CSMD3: variants seen among roughly 807,000 people sequenced by gnomAD.
CSMD3 encodes the protein CUB and Sushi multiple domains 3.
CSMD3 carries 177 observed loss-of-function variants against 435.2 expected under a neutral mutation model. That is an observed-to-expected ratio of 0.41 (90% CI 0.36 to 0.46). The LOEUF is 0.46. Ranked by LOEUF, CSMD3 falls within the 20% of genes least tolerant of loss-of-function variation. CSMD3 has a pLI of 0.34. For missense variants in CSMD3, 4,265 were observed against 4,504.6 expected, an observed-to-expected ratio of 0.95 and a Z score of 1.52; for synonymous variants, 1,656 against 1,520.5, an observed-to-expected ratio of 1.09 and a Z score of -2.07.
chr8:112,792,657 C>A (rs2078719952), intron 13 of CSMD3, among the ~76,000 whole-genome samples: 1 of 152,016 alleles, frequency 6.6e-6, no homozygotes, highest in Non-Finnish European at 1.5e-5. Context: ...TGTTTTATTC[C>A]AAAAGTTGTA....
At chr8:112,898,479 T>C (rs2082013336) in intron 10 of CSMD3, among the ~76,000 whole-genome samples, 1 of 151,290 alleles carries the variant, frequency 6.6e-6, no homozygotes, top group African/African-American at 2.4e-5. Flanking sequence ...TTTTGCTTTT[T>C]AGTAAATGGA....
chr8:112,956,763 A>T (rs1216498255), intron 7 of CSMD3, among the ~76,000 whole-genome samples: 4 of 152,092 alleles, frequency 2.6e-5, no homozygotes, highest in African/African-American at 7.2e-5. Context: ...AAGTATCTTG[A>T]TTTAATTATT....
In CSMD3 at chr8:113,239,093, G is replaced by A. The variant is rs543445396; in HGVS notation, c.514+39499C>T. Among the ~76,000 whole-genome samples, 5 of 152,124 alleles carry A rather than the reference G, an allele frequency of 3.3e-5. No individual in the cohort carries two copies. In the East Asian group the frequency reaches 9.7e-4, roughly 30 times the overall value. On this transcript the variant is annotated intron_variant, in intron 3 of 70. Transcript: ENST00000297405. ...AACAGGGTATTTTTCTTGCCTGTCC[G>A]CCTTGAGCTGGGACACTACGCTTTT...
chr8:113,117,394 G>A (rs1309752265), intron 4 of CSMD3, among the ~76,000 whole-genome samples: 1 of 152,188 alleles, frequency 6.6e-6, no homozygotes, highest in Non-Finnish European at 1.5e-5. Flanking sequence ...TTGAGGTTTG[G>A]GAACCTCAGC....
chr8:113,023,412 C>T (rs1174186674), intron 5 of CSMD3, among the ~76,000 whole-genome samples: 2 of 152,008 alleles, frequency 1.3e-5, no homozygotes, highest in African/African-American at 2.4e-5. Flanking sequence ...CTCTCTCTCC[C>T]TCTCTCAAGC....
At chr8:112,323,002 T>A (rs189552046) in intron 45 of CSMD3, among the ~76,000 whole-genome samples, 6 of 152,128 alleles carry the variant, frequency 3.9e-5, no homozygotes, top group African/African-American at 1.4e-4. Context: ...ACTCCCAACT[T>A]TAAAATTGCC....
At chr8:112,611,350 T>C (rs1238440644) in intron 22 of CSMD3, among the ~76,000 whole-genome samples, 3 of 152,164 alleles carry the variant, frequency 2.0e-5, no homozygotes, top group Non-Finnish European at 4.4e-5. Context: ...TTCTCTGAAG[T>C]GTACCAAATT....
At chr8:112,228,588 G>A (rs1812789209) in intron 70 of CSMD3, among the ~76,000 whole-genome samples, 168 bp downstream of exon 70, 1 of 152,130 alleles carries the variant, frequency 6.6e-6, no homozygotes, top group Non-Finnish European at 1.5e-5. Context: ...TAATGTTGCA[G>A]GGGTGGTTAG....
rs71281211 is a variant in CSMD3, at chr8:113,328,735, C to CTTTTTTTTTTTTTTTTTTTTTTTT, written c.179-13966_179-13943dup. Among the ~76,000 whole-genome samples the CTTTTTTTTTTTTTTTTTTTTTTTT allele has an allele frequency of 6.3e-4, 36 of 57,196 alleles. 3 individuals are homozygous for CTTTTTTTTTTTTTTTTTTTTTTTT. Among genetic ancestry groups the CTTTTTTTTTTTTTTTTTTTTTTTT allele is most frequent in the East Asian group, 2.8e-3 (3 of 1,058 alleles). 37.5% of individuals were successfully genotyped at this position (57,196 alleles called of 152,430 possible). A position where few individuals can be genotyped will look rare whatever the true frequency, so the allele number is the denominator to read the frequency against. On this transcript the variant is annotated intron_variant, in intron 1 of 70. Coordinates refer to ENST00000297405, the MANE Select transcript of CSMD3 (RefSeq NM_198123.2). ...CTTTCTTTCTTTCCTTCCTTCTTTT[C>CTTTTTTTTTTTTTTTTTTTTTTTT]TTTTTTTTTTTTTTTTTTTTTTTTG...
Position 113,066,820 on chromosome 8 carries a change from A to G in CSMD3, c.917+31936T>C, listed in dbSNP as rs142874948. Among the ~76,000 whole-genome samples the G allele has an allele frequency of 2.8e-3, 428 of 152,182 alleles. 2 individuals carry two copies. Among genetic ancestry groups the G allele is most frequent in the African/African-American group, 9.6e-3 (398 of 41,556 alleles). Reference sequence around the variant, plus strand: ...GAAAGTAGAGCTAGAAAAAAAACAGATATCATTGGTTAAAATTCTCATATA... The same window carrying G: ...GAAAGTAGAGCTAGAAAAAAAACAGGTATCATTGGTTAAAATTCTCATATA... On this transcript the variant is annotated intron_variant, in intron 5 of 70. Transcript: ENST00000297405.
intron 30 of CSMD3, among the ~76,000 whole-genome samples, chr8:112,496,755 C>G (rs62516487): frequency 0.32 from 48,653 of 151,558 alleles, 7,900 homozygotes; most frequent in East Asian, 0.49. Context: ...AGCAATTGAA[C>G]TCATGGAGTT....
intron 40 of CSMD3, among the ~76,000 whole-genome samples, chr8:112,350,528 T>C (rs1015815407): frequency 4.6e-5 from 7 of 152,100 alleles, no homozygotes; most frequent in Non-Finnish European, 7.4e-5. Flanking sequence ...CAAATAGTAA[T>C]TGAATGTTTT....
At chr8:112,859,014 T>A in intron 11 of CSMD3, 131 bp downstream of exon 11, 1 of 765,762 alleles carries the variant, frequency 1.3e-6, no homozygotes, top group Non-Finnish European at 2.2e-6. Context: ...TATAAACTGT[T>A]AAGTAGGGAA....
intron 5 of CSMD3, among the ~76,000 whole-genome samples, chr8:113,065,487 C>G (rs2088813118): frequency 6.6e-6 from 1 of 151,960 alleles, no homozygotes; most frequent in Non-Finnish European, 1.5e-5. Context: ...CCTGGGTTCA[C>G]GCCATTCTCC....
intron 5 of CSMD3, among the ~76,000 whole-genome samples, chr8:113,086,821 T>G (rs2089800690): frequency 6.6e-6 from 1 of 152,174 alleles, no homozygotes; most frequent in Non-Finnish European, 1.5e-5. Context: ...AAAATTGAGT[T>G]TTCAGTTTAA....
At chr8:113,326,036 A>C (rs1437930554) in intron 1 of CSMD3, among the ~76,000 whole-genome samples, 2 of 152,184 alleles carry the variant, frequency 1.3e-5, no homozygotes, top group Non-Finnish European at 2.9e-5. Flanking sequence ...AGAAGTAAAA[A>C]CACCTATTTT....
intron 41 of CSMD3, among the ~76,000 whole-genome samples, chr8:112,345,804 T>C (rs1387195938): frequency 6.6e-6 from 1 of 152,054 alleles, no homozygotes; most frequent in Non-Finnish European, 1.5e-5. Flanking sequence ...CAAAACATCA[T>C]GTTGTACATG....
At chr8:112,550,495 G>T (rs1285736338) in intron 27 of CSMD3, among the ~76,000 whole-genome samples, 176 bp downstream of exon 27, 1 of 151,766 alleles carries the variant, frequency 6.6e-6, no homozygotes, top group Non-Finnish European at 1.5e-5. Flanking sequence ...AAAGTTAGTT[G>T]TATTACCTTT....
At chr8:112,547,880 GTTCTTA>G (rs1827326071) in intron 27 of CSMD3, among the ~76,000 whole-genome samples, 1 of 152,096 alleles carries the variant, frequency 6.6e-6, no homozygotes, top group Non-Finnish European at 1.5e-5. Flanking sequence ...TTAATACCTG[GTTCTTA>G]CTAGACTCTC....
Sources: gnomAD v4.1 joint callset for allele counts (sites outside exome capture counted in the v4.1 genomes callset) on GRCh38, gnomAD v4.1.1 for gene constraint, MANE v1.5 for transcripts, NCBI Gene and HGNC (gene_info 2026-07-23, HGNC 2026-07-21) for gene names.